The following GALNT10 variants were observed in gnomAD, a reference collection of about 807,000 sequenced individuals.
The protein encoded by GALNT10 is polypeptide N-acetylgalactosaminyltransferase 10, also known as GalNAc transferase 10.
GALNT10 carries 41 observed loss-of-function variants against 75.0 expected under a neutral mutation model. That is an observed-to-expected ratio of 0.55 (90% CI 0.43 to 0.71). The LOEUF (loss-of-function observed/expected upper bound fraction) is 0.71. Among genes scored for constraint, GALNT10 ranks in the 30% least tolerant of loss-of-function variants. The pLI is 0.00. For missense variants in GALNT10, 727 were observed against 818.5 expected (o/e 0.89, Z 1.36); for synonymous variants, 302 against 313.0 (o/e 0.96, Z 0.37).
intron 1 of GALNT10, among the ~76,000 whole-genome samples, chr5:154,261,501 G>T (rs1343593027): frequency 2.6e-5 from 4 of 152,194 alleles, no homozygotes; most frequent in African/African-American, 4.8e-5. Flanking sequence ...ACAGTTCTGT[G>T]TTTAGCACCA....
chr5:154,353,769 G>A (rs115601626), intron 4 of GALNT10, among the ~76,000 whole-genome samples: 2,336 of 152,276 alleles, frequency 0.015, 70 homozygotes, highest in African/African-American at 0.053. Flanking sequence ...GGCAAATCCT[G>A]TTCATCCTTC....
chr5:154,386,556 C>T (rs1428368741), intron 7 of GALNT10, 126 bp downstream of exon 7: 1 of 615,190 alleles, frequency 1.6e-6, no homozygotes, highest in Non-Finnish European at 3.0e-6. Context: ...CCCTTCTGCC[C>T]ATCAGGTGAA....
intron 1 of GALNT10, among the ~76,000 whole-genome samples, chr5:154,225,385 G>T (rs571711768): frequency 6.5e-4 from 97 of 149,762 alleles, no homozygotes; most frequent in African/African-American, 2.4e-3. Context: ...GAGCCACTGC[G>T]CCCGGCCTTT....
chr5:154,288,577 G>T (rs1754147409), intron 1 of GALNT10, among the ~76,000 whole-genome samples: 1 of 132,278 alleles, frequency 7.6e-6, no homozygotes, highest in South Asian at 2.5e-4. Context: ...GATTCTGCCA[G>T]TCTCCTCCAC....
chr5:154,410,743 G>A (rs888041767), intron 9 of GALNT10, among the ~76,000 whole-genome samples: 2 of 148,240 alleles, frequency 1.3e-5, no homozygotes, highest in Admixed American at 7.2e-5. Context: ...GGGCCTCTGG[G>A]ACCCCCAGCG....
At chr5:154,345,158 T>C (rs1451056035) in intron 4 of GALNT10, among the ~76,000 whole-genome samples, 2 of 150,892 alleles carry the variant, frequency 1.3e-5, no homozygotes, top group East Asian at 4.0e-4. Flanking sequence ...CACCCCCACA[T>C]ATGATTGAGG....
At chr5:154,201,698 A>G (rs559981616) in intron 1 of GALNT10, among the ~76,000 whole-genome samples, 1 of 152,292 alleles carries the variant, frequency 6.6e-6, no homozygotes, top group South Asian at 2.1e-4. Context: ...TGGGAGACCA[A>G]CATGGGCAGA....
At chr5:154,353,633 A>G (rs1189183692) in intron 4 of GALNT10, among the ~76,000 whole-genome samples, 2 of 152,212 alleles carry the variant, frequency 1.3e-5, no homozygotes, top group African/African-American at 4.8e-5. Flanking sequence ...GATGAACAAG[A>G]AGACATGGGC....
intron 1 of GALNT10, among the ~76,000 whole-genome samples, chr5:154,265,479 A>T (rs1753763469): frequency 6.6e-6 from 1 of 152,244 alleles, no homozygotes; most frequent in Non-Finnish European, 1.5e-5. Context: ...TACAGTGTAC[A>T]GACTGAGTTT....
At chr5:154,268,908 G>T (rs191283651) in intron 1 of GALNT10, among the ~76,000 whole-genome samples, 1 of 152,098 alleles carries the variant, frequency 6.6e-6, no homozygotes, top group Non-Finnish European at 1.5e-5. Context: ...AGGCCAAGGC[G>T]AAAGGATTGC....
chr5:154,329,748 GT>G lies in GALNT10; in HGVS notation c.568+11del. ...GACTTCAGTGATCGAGGTAGGATCC[GT>G]CCCACCCAGCCTCCCACCCTCTGTG... On this transcript the variant is annotated intron_variant, in intron 4 of 11. Coordinates refer to ENST00000297107, the MANE Select transcript of GALNT10 (RefSeq NM_198321.4). 6.2e-7 allele frequency: 1 copy of G among 1,602,960 alleles called. No individual in the cohort carries two copies. The highest frequency in any genetic ancestry group is 1.3e-5 in the African/African-American group (1 of 74,762).
At chr5:154,285,041 A>G (rs974275568) in intron 1 of GALNT10, among the ~76,000 whole-genome samples, 13 of 152,206 alleles carry the variant, frequency 8.5e-5, no homozygotes, top group African/African-American at 3.1e-4. Context: ...ATGAAGACAC[A>G]CCACCTCTCA....
chr5:154,245,702 A>G (rs928399717), intron 1 of GALNT10, among the ~76,000 whole-genome samples: 23 of 152,046 alleles, frequency 1.5e-4, no homozygotes, highest in African/African-American at 5.1e-4. Flanking sequence ...GAGGATGTGT[A>G]TGATTAATTC....
At position 154,409,449 on chromosome 5, in the gene GALNT10, G is replaced by A. The variant is rs1756348310; in HGVS notation, c.1165-92G>A. The A allele has an allele frequency of 2.4e-6, 2 of 839,490 alleles. No homozygotes were observed. The highest frequency in any genetic ancestry group is 4.2e-6 in the Non-Finnish European group (2 of 474,116). 52.0% of individuals were successfully genotyped at this position (839,490 alleles called of 1,614,324 possible). ...TTTGATGGAACATAAAATAAGAAGG[G>A]TTGACCTCGACCTGCCAGGACCCTT... On this transcript the variant is annotated intron_variant, in intron 8 of 11. Transcript: ENST00000297107. The surrounding 1 kb of genome is among the most constrained non-coding windows in gnomAD (Gnocchi z 4.5).
intron 1 of GALNT10, among the ~76,000 whole-genome samples, chr5:154,271,137 T>C (rs1266557247): frequency 6.6e-6 from 1 of 152,126 alleles, no homozygotes; most frequent in African/African-American, 2.4e-5. Flanking sequence ...TTGAGTCCTG[T>C]AAATGAGGCT....
At chr5:154,213,064 T>G (rs1479421987) in intron 1 of GALNT10, among the ~76,000 whole-genome samples, 1 of 152,136 alleles carries the variant, frequency 6.6e-6, no homozygotes, top group African/African-American at 2.4e-5. Context: ...GACTTTAACC[T>G]CTCTGTGCCT....
intron 3 of GALNT10, among the ~76,000 whole-genome samples, chr5:154,299,788 G>A (rs1169621360): frequency 6.6e-6 from 1 of 151,930 alleles, no homozygotes; most frequent in East Asian, 1.9e-4. Flanking sequence ...GCTTTCCCAC[G>A]GGCTTTGCCA....
chr5:154,327,633 A>G (rs150653140), intron 3 of GALNT10, among the ~76,000 whole-genome samples: 3 of 152,354 alleles, frequency 2.0e-5, no homozygotes, highest in Admixed American at 1.3e-4. Context: ...ATGCTGGGGA[A>G]CCAGCTCATT....
chr5:154,345,953 T>A (rs1320709063), intron 4 of GALNT10, among the ~76,000 whole-genome samples: 2 of 140,592 alleles, frequency 1.4e-5, no homozygotes, highest in Non-Finnish European at 3.1e-5. Context: ...CCTAATTTTT[T>A]TTTTTTTTTT....
Sources: gnomAD v4.1 joint callset for allele counts (sites outside exome capture counted in the v4.1 genomes callset) on GRCh38, gnomAD v4.1.1 for gene constraint, Gnocchi (gnomAD v3.1) non-coding constraint, MANE v1.5 for transcripts, NCBI Gene and HGNC (gene_info 2026-07-23, HGNC 2026-07-21) for gene names.